The following SLC35E2B variants were observed in gnomAD, a reference collection of about 807,000 sequenced individuals.
The protein encoded by SLC35E2B is solute carrier family 35 member E2B, also known as solute carrier family 35, member E2B.
Under a neutral mutation model 32.4 loss-of-function variants are expected in SLC35E2B, and 18 were observed. The ratio of observed to expected loss-of-function variants is 0.56; its 90% CI spans 0.38 to 0.82. The LOEUF (loss-of-function observed/expected upper bound fraction) is 0.82. Ranked by LOEUF, SLC35E2B falls within the 40% of genes least tolerant of loss-of-function variation. The pLI, the probability that SLC35E2B is intolerant of heterozygous loss-of-function variation, is 0.00. For missense variants in SLC35E2B, 263 were observed against 469.5 expected (o/e 0.56, Z 4.06); for synonymous variants, 132 against 209.1 (o/e 0.63, Z 3.18).
At chr1:1,681,440 C>T (rs1643899011) in intron 2 of SLC35E2B, among the ~76,000 whole-genome samples, 1 of 151,388 alleles carries the variant, frequency 6.6e-6, no homozygotes, top group South Asian at 2.1e-4. Context: ...ATCTCCTGAC[C>T]TCGTGATCCA....
At position 1,668,475 on chromosome 1, in the gene SLC35E2B, A is replaced by G. The variant is rs767772135; in HGVS notation, c.835-3T>C. 12 of 1,613,728 alleles carry G rather than the reference A, an allele frequency of 7.4e-6. No individual in the cohort carries two copies. The highest frequency in any genetic ancestry group is 2.2e-5 in the East Asian group (1 of 44,876). On this transcript the variant is annotated splice_polypyrimidine_tract_variant and splice_region_variant and intron_variant, in intron 8 of 9. Transcript: ENST00000617444. The stretch of plus-strand genomic sequence containing the variant: ...CTCCTCCCGATCACTGGGACGTCCT[A>G]TGTGGCAAACAAAAGGGTACTCTAT...
chr1:1,688,364 T>C lies in SLC35E2B; in HGVS notation c.-148+2612A>G, dbSNP rs185790588. On this transcript the variant is annotated intron_variant, in intron 2 of 9. Coordinates refer to ENST00000617444, the MANE Select transcript of SLC35E2B (RefSeq NM_001290264.2). ...GCTCACACCTGCCATCCCAGCACTT[T>C]GGGAGGCTGAGGTGGGCGGATCACA... 2.4e-3 allele frequency among the ~76,000 whole-genome samples: 358 copies of C among 152,090 alleles called. 4 individuals are homozygous for C. The highest frequency in any genetic ancestry group is 1.9e-3 in the East Asian group (10 of 5,176).
In SLC35E2B at chr1:1,664,783, C is replaced by T. The variant is rs1455170584; in HGVS notation, c.*999G>A. 5 of 901,898 alleles carry T rather than the reference C, an allele frequency of 5.5e-6. No homozygotes were observed. The highest frequency in any genetic ancestry group is 6.4e-5 in the Admixed American group (1 of 15,544). The allele number at this position is 901,898 out of a possible 1,614,324, so 55.9% of individuals were successfully genotyped here. A position where few individuals can be genotyped will look rare whatever the true frequency, so the allele number is the denominator to read the frequency against. On this transcript the variant is annotated 3_prime_UTR_variant, in exon 10 of 10. Coordinates refer to ENST00000617444, the MANE Select transcript of SLC35E2B (RefSeq NM_001290264.2). ...AAGGACGGCGCCCAGGTAAACGCCA[C>T]GTAACCCAAACCATCAACACTGCAG... is the stretch of plus-strand genomic sequence containing the variant.
rs1266404119 is a variant in SLC35E2B, at chr1:1,674,718, AGT to A, written c.586+743_586+744del. ...CACCTAAACGTGTGTGCGGGTCTCA[AGT>A]GCATGTGGGGCAAGCCCAACCCCAT... On this transcript the variant is annotated intron_variant, in intron 5 of 9. Transcript: ENST00000617444. Among the ~76,000 whole-genome samples, 6 of 126,570 alleles carry A rather than the reference AGT, an allele frequency of 4.7e-5. No individual in the cohort carries two copies. The South Asian group carries it at 1.4e-3, about 29-fold the overall frequency. 83.0% of individuals were successfully genotyped at this position (126,570 alleles called of 152,430 possible). A position where few individuals can be genotyped will look rare whatever the true frequency, so the allele number is the denominator to read the frequency against.
At chr1:1,671,475 C>G in intron 6 of SLC35E2B, 34 bp downstream of exon 6, 1 of 1,415,780 alleles carries the variant, frequency 7.1e-7, no homozygotes, top group Non-Finnish European at 9.3e-7. Flanking sequence ...CACCGGGTCT[C>G]GTCCCCCTCA....
chr1:1,683,256 T>G (rs1289043951), intron 2 of SLC35E2B, among the ~76,000 whole-genome samples: 2 of 152,052 alleles, frequency 1.3e-5, no homozygotes, highest in African/African-American at 4.8e-5. Flanking sequence ...GCCGTCCCCC[T>G]GGGGAGAGTG....
chr1:1,666,133 C>CGTCA (rs1557749138), intron 9 of SLC35E2B, 114 bp from the exon 10 acceptor site: 2 of 1,261,280 alleles, frequency 1.6e-6, no homozygotes, highest in Non-Finnish European at 2.2e-6. Flanking sequence ...GGGGACTCAG[C>CGTCA]GTCACGGTGA....
Position 1,663,044 on chromosome 1 carries a change from G to C in SLC35E2B, c.*2738C>G. 1 of 953,962 alleles carries C rather than the reference G, an allele frequency of 1.0e-6. No homozygotes were observed. The highest frequency in any genetic ancestry group is 1.2e-6 in the Non-Finnish European group (1 of 801,526). The allele number at this position is 953,962 out of a possible 1,614,324, so 59.1% of individuals were successfully genotyped here. On this transcript the variant is annotated 3_prime_UTR_variant, in exon 10 of 10. Transcript: ENST00000617444. ...AAGACCAGCGGCTGGAAACTGACTT[G>C]GGCATGGAGAGGAGACTGAGGGAGA...
intron 7 of SLC35E2B, 119 bp from the exon 8 acceptor site, chr1:1,669,855 C>T: frequency 9.0e-7 from 1 of 1,110,662 alleles, no homozygotes; most frequent in South Asian, 1.3e-5. Context: ...TCTCTCTAGA[C>T]AGGACTAGGG....
At chr1:1,677,478 C>CTTTT (rs533023320) in intron 2 of SLC35E2B, among the ~76,000 whole-genome samples, 3 of 135,806 alleles carry the variant, frequency 2.2e-5, no homozygotes, top group Non-Finnish European at 3.2e-5. Flanking sequence ...TTTCTTTTTC[C>CTTTT]TTTTTTTTTT....
rs185582290 is a variant in SLC35E2B at position 1,679,637 on chromosome 1, G to A, written c.-147-2791C>T. The stretch of plus-strand genomic sequence containing the variant: ...AGCTCAGGAGTTCATGACCAGCCTG[G>A]CAAACACAGCAAAACCCCGTCTCTA... On this transcript the variant is annotated intron_variant, in intron 2 of 9. Coordinates refer to ENST00000617444, the MANE Select transcript of SLC35E2B (RefSeq NM_001290264.2). Among the ~76,000 whole-genome samples the A allele has an allele frequency of 1.3e-3, 187 of 148,972 alleles. 1 individual carries two copies. Among genetic ancestry groups the A allele is most frequent in the Admixed American group, 5.6e-3 (84 of 14,902 alleles).
At chr1:1,678,423 C>T (rs1459591338) in intron 2 of SLC35E2B, among the ~76,000 whole-genome samples, 1 of 152,036 alleles carries the variant, frequency 6.6e-6, no homozygotes, top group Admixed American at 6.6e-5. Flanking sequence ...GGCGGCAATG[C>T]CAGGGCCTCT....
chr1:1,671,418 G>A lies in SLC35E2B; in HGVS notation c.707+91C>T, dbSNP rs146817914. ...GACGCACCTGCTTTGGCTCACGGGA[G>A]GAATTCTCAGCTCACCTGAGAATCT... On this transcript the variant is annotated intron_variant, in intron 6 of 9. Coordinates refer to ENST00000617444, the MANE Select transcript of SLC35E2B (RefSeq NM_001290264.2). The A allele has an allele frequency of 8.3e-4, 1,067 of 1,281,290 alleles. 19 individuals carry two copies. The African/African-American group carries it at 0.014, about 17-fold the overall frequency. The allele number at this position is 1,281,290 out of a possible 1,614,324, so 79.4% of individuals were successfully genotyped here. A position where few individuals can be genotyped will look rare whatever the true frequency, so the allele number is the denominator to read the frequency against.
rs1433178871 is a variant in SLC35E2B at position 1,688,959 on chromosome 1, CAGG to C, written c.-148+2014_-148+2016del. 1.1e-3 allele frequency among the ~76,000 whole-genome samples: 164 copies of C among 151,968 alleles called. 4 individuals are homozygous for C. The highest frequency in any genetic ancestry group is 3.9e-3 in the African/African-American group (160 of 41,390). ...GGCCGAGGTGGGCGCATCACGAGGT[CAGG>C]AGATTGAGACCATCCTGGCTAACAC... On this transcript the variant is annotated intron_variant, in intron 2 of 9. Transcript: ENST00000617444.
intron 2 of SLC35E2B, among the ~76,000 whole-genome samples, chr1:1,690,280 C>CAAAAA (rs751562734): frequency 5.8e-5 from 3 of 52,034 alleles, no homozygotes; most frequent in African/African-American, 2.1e-4. Context: ...AACTCTGTCT[C>CAAAAA]AAAAAAAAAA....
chr1:1,673,820 G>A (rs1471661563), intron 5 of SLC35E2B, among the ~76,000 whole-genome samples: 5 of 151,680 alleles, frequency 3.3e-5, no homozygotes, highest in African/African-American at 7.3e-5. Context: ...AAAATTAGAC[G>A]GACGCAGTGG....
chr1:1,685,325 G>A (rs1357099660), intron 2 of SLC35E2B, among the ~76,000 whole-genome samples: 1 of 146,068 alleles, frequency 6.8e-6, no homozygotes, highest in Non-Finnish European at 1.5e-5. Flanking sequence ...GAGGTGGGGG[G>A]ACTGCTTGAG....
intron 2 of SLC35E2B, among the ~76,000 whole-genome samples, chr1:1,687,825 C>T (rs375106643): frequency 1.3e-5 from 2 of 152,028 alleles, no homozygotes; most frequent in East Asian, 1.9e-4. Context: ...AACCCGGAGG[C>T]GGAGGTTGCA....
At chr1:1,670,061 T>A in intron 7 of SLC35E2B, 37 bp downstream of exon 7, 2 of 1,515,570 alleles carry the variant, frequency 1.3e-6, no homozygotes, top group Non-Finnish European at 1.8e-6. Flanking sequence ...CCTCTTCGTC[T>A]TATGACTTGG....
Sources: allele counts gnomAD v4.1 joint callset (sites outside exome capture counted in the v4.1 genomes callset), GRCh38; gene constraint gnomAD v4.1.1; transcripts MANE v1.5; gene names NCBI Gene and HGNC (gene_info 2026-07-23, HGNC 2026-07-21).